Variants in PDZK1IP1 observed in about 807,000 individuals in gnomAD.
PDZK1IP1 encodes the protein PDZK1 interacting protein 1.
A neutral mutation model predicts 14.7 loss-of-function variants in PDZK1IP1; 9 were observed. The observed-to-expected ratio is 0.61, with a 90% CI of 0.37 to 1.07. The LOEUF (loss-of-function observed/expected upper bound fraction) is 1.07. PDZK1IP1 is among the 50% of genes least tolerant of loss of function. The pLI is 0.01. For synonymous variants in PDZK1IP1, 70 were observed against 61.2 expected, an observed-to-expected ratio of 1.14 and a Z score of -0.67; for missense variants, 152 against 148.7, an observed-to-expected ratio of 1.02 and a Z score of -0.11.
rs1249921141 is a variant in PDZK1IP1, at chr1:47,185,112, C to T, written c.177-15G>A. 2 of 1,608,174 alleles carry T rather than the reference C, an allele frequency of 1.2e-6. No individual in the cohort carries two copies. Among genetic ancestry groups the T allele is most frequent in the African/African-American group, 2.7e-5 (2 of 74,824 alleles). On this transcript the variant is annotated splice_polypyrimidine_tract_variant and intron_variant, in intron 2 of 3. Coordinates refer to ENST00000294338, the MANE Select transcript of PDZK1IP1 (RefSeq NM_005764.4). ...GTGCAGGCTCCCTGGGGATGGGATT[C>T]ATCAGTGGGGCTCCTCAGTGGGGCC... is the stretch of plus-strand genomic sequence containing the variant.
Position 47,183,866 on chromosome 1 carries a change from GC to G in PDZK1IP1, c.*104del. 1 of 967,456 alleles carries G rather than the reference GC, an allele frequency of 1.0e-6. No individual in the cohort carries two copies. The highest frequency in any genetic ancestry group is 1.6e-6 in the Non-Finnish European group (1 of 623,462). 59.9% of individuals were successfully genotyped at this position (967,456 alleles called of 1,614,324 possible). A position where few individuals can be genotyped will look rare whatever the true frequency, so the allele number is the denominator to read the frequency against. On this transcript the variant is annotated 3_prime_UTR_variant, in exon 4 of 4. Coordinates refer to ENST00000294338, the MANE Select transcript of PDZK1IP1 (RefSeq NM_005764.4). ...GCCGGCATGGGGCTGGAGGGAGTCA[GC>G]CCACTATTGCAGATTCCACACAAAG...
At position 47,184,553 on chromosome 1, in the gene PDZK1IP1, CCCCCACTGAGTCCATA is replaced by C. The variant is rs766511535; in HGVS notation, c.272+433_272+448del. On this transcript the variant is annotated intron_variant, in intron 3 of 3. Coordinates refer to ENST00000294338, the MANE Select transcript of PDZK1IP1 (RefSeq NM_005764.4). ...AGCTCCATCCCCCACTGAGCTCCAT[CCCCCACTGAGTCCATA>C]CCCCACTGAGTCCATACCCCACTGA... 4.6e-3 allele frequency among the ~76,000 whole-genome samples: 396 copies of C among 85,396 alleles called. 8 individuals are homozygous for C. The highest frequency in any genetic ancestry group is 0.011 in the Middle Eastern group (2 of 180). 56.0% of individuals were successfully genotyped at this position (85,396 alleles called of 152,430 possible). A position where few individuals can be genotyped will look rare whatever the true frequency, so the allele number is the denominator to read the frequency against.
At chr1:47,188,145 G>A (rs1557661697) in intron 1 of PDZK1IP1, among the ~76,000 whole-genome samples, 1 of 152,214 alleles carries the variant, frequency 6.6e-6, no homozygotes, top group East Asian at 1.9e-4. Context: ...AGATTAGGTT[G>A]AGGCCCCAAC....
intron 2 of PDZK1IP1, among the ~76,000 whole-genome samples, chr1:47,186,390 G>T (rs1645320722): frequency 6.6e-6 from 1 of 151,860 alleles, no homozygotes; most frequent in Non-Finnish European, 1.5e-5. Context: ...TCATTGGTGT[G>T]CAAGAGCCTG....
Position 47,187,441 on chromosome 1 carries a change from A to G in PDZK1IP1, c.68-14T>C. 6.2e-7 allele frequency: 1 copy of G among 1,602,866 alleles called. No individual in the cohort carries two copies. The highest frequency in any genetic ancestry group is 1.1e-5 in the South Asian group (1 of 90,820). On this transcript the variant is annotated splice_polypyrimidine_tract_variant and intron_variant, in intron 1 of 3. Coordinates refer to ENST00000294338, the MANE Select transcript of PDZK1IP1 (RefSeq NM_005764.4). ...GGTTCCCCAGGCCTAACAAAGGGAG[A>G]GGGGCTGTAGCAGACGGGGCCACAG...
At chr1:47,186,896 G>A (rs1178517896) in intron 2 of PDZK1IP1, among the ~76,000 whole-genome samples, 1 of 152,212 alleles carries the variant, frequency 6.6e-6, no homozygotes, top group African/African-American at 2.4e-5. Flanking sequence ...GTCTGAGCCT[G>A]TGAGGGCAGG....
At position 47,187,399 on chromosome 1, in the gene PDZK1IP1, C is replaced by A; in HGVS notation, c.96G>T (p.Gln32His). 6.2e-7 allele frequency: 1 copy of A among 1,612,896 alleles called. No homozygotes were observed. Among genetic ancestry groups the A allele is most frequent in the Non-Finnish European group, 8.5e-7 (1 of 1,179,956 alleles). The change falls in exon 2 of 4, where the codon CAG becomes CAT. Residue 32 changes from glutamine (Q) to histidine (H), a missense_variant. Gln to His is a conservative substitution (Grantham distance 24, BLOSUM62 0). Transcript: ENST00000294338. ...GGAACACGGCCACCGCGATAAGGCC[C>A]TGCATCCAGGGCTGAAGGTTCCCCA... ...QGLGNLQPWM[Q>H]GLIAVAVFLV...
intron 1 of PDZK1IP1, among the ~76,000 whole-genome samples, chr1:47,189,070 T>G (rs1385070932): frequency 1.3e-5 from 2 of 150,692 alleles, no homozygotes; most frequent in African/African-American, 4.9e-5. Context: ...TGACTCAACC[T>G]CTCTGGTCTG....
At chr1:47,185,239 C>T (rs1393653795) in intron 2 of PDZK1IP1, 142 bp from the exon 3 acceptor site, 5 of 660,334 alleles carry the variant, frequency 7.6e-6, no homozygotes, top group Admixed American at 2.4e-5. Context: ...ATGTCAGCCG[C>T]GGCTACTGGC....
intron 1 of PDZK1IP1, 146 bp from the exon 2 acceptor site, chr1:47,187,573 AG>A (rs1645328346): frequency 1.5e-6 from 1 of 665,848 alleles, no homozygotes; most frequent in African/African-American, 1.8e-5. Context: ...GTGGGGAGGC[AG>A]GGGTGGGATA....
At chr1:47,184,707 G>T (rs934230725) in intron 3 of PDZK1IP1, among the ~76,000 whole-genome samples, 1 of 145,842 alleles carries the variant, frequency 6.9e-6, no homozygotes, top group East Asian at 2.1e-4. Flanking sequence ...TCACTCATTT[G>T]TTCCTTCCTC....
Position 47,187,360 on chromosome 1 carries a change from T to C in PDZK1IP1, c.135A>G (p.Ala45=). ...AGAAGTGGTTGACTGCAAAGGCGAT[T>C]GCAACGAGGACCAGGAACACGGCCA... is the stretch of plus-strand genomic sequence containing the variant. ...IAVAVFLVLV[A]IAFAVNHFWC... The change falls in exon 2 of 4, where the codon GCA becomes GCG. Residue 45 remains alanine, a synonymous_variant. Transcript: ENST00000294338. The C allele has an allele frequency of 1.2e-6, 2 of 1,612,784 alleles. No individual in the cohort carries two copies. The highest frequency in any genetic ancestry group is 1.7e-6 in the Non-Finnish European group (2 of 1,179,942).
At chr1:47,189,667 T>C (rs1410837257) in intron 1 of PDZK1IP1, among the ~76,000 whole-genome samples, 199 bp downstream of exon 1, 2 of 152,224 alleles carry the variant, frequency 1.3e-5, no homozygotes, top group Non-Finnish European at 2.9e-5. Context: ...TAGAACCAAC[T>C]GCTGCCAGTT....
intron 1 of PDZK1IP1, among the ~76,000 whole-genome samples, chr1:47,189,265 A>C (rs1206673594): frequency 2.6e-5 from 4 of 152,200 alleles, no homozygotes; most frequent in Non-Finnish European, 5.9e-5. Flanking sequence ...AATGAAAGCC[A>C]GACCTTGGGT....
chr1:47,189,765 C>T, intron 1 of PDZK1IP1, 101 bp downstream of exon 1: 1 of 815,378 alleles, frequency 1.2e-6, no homozygotes, highest in Non-Finnish European at 1.9e-6. Context: ...AGTCCCTGCT[C>T]CCCCTCCAAA....
intron 2 of PDZK1IP1, among the ~76,000 whole-genome samples, chr1:47,187,051 G>T: frequency 6.6e-6 from 1 of 152,188 alleles, no homozygotes; most frequent in African/African-American, 2.4e-5. Context: ...AAGAAGCGAA[G>T]CCGTTTCCCC....
At position 47,189,897 on chromosome 1, in the gene PDZK1IP1, G is replaced by T. The variant is rs765820861; in HGVS notation, c.36C>A (p.Leu12=). ...SALSLLILGL[L]TAVPPASCQQ... ...GACAGCTGGCAGGTGGCACTGCCGT[G>T]AGCAGGCCCAGAATGAGGAGGCTGA... is the stretch of plus-strand genomic sequence containing the variant. Residue 12 remains leucine, a synonymous_variant, in exon 1 of 4, where the codon CTC becomes CTA. Transcript: ENST00000294338. 1 of 1,597,266 alleles carries T rather than the reference G, an allele frequency of 6.3e-7. No homozygotes were observed. The highest frequency in any genetic ancestry group is 8.5e-7 in the Non-Finnish European group (1 of 1,178,822).
chr1:47,184,406 A>T (rs202210614), intron 3 of PDZK1IP1, among the ~76,000 whole-genome samples: 4 of 10,380 alleles, frequency 3.9e-4, no homozygotes, highest in African/African-American at 1.7e-3. Context: ...CCCATCCCCC[A>T]CTGAGTCCAT....
In PDZK1IP1 at chr1:47,185,088, T is replaced by A; in HGVS notation, c.186A>T (p.Ala62=). 6.2e-7 allele frequency: 1 copy of A among 1,612,998 alleles called. No individual in the cohort carries two copies. Among genetic ancestry groups the A allele is most frequent in the Non-Finnish European group, 8.5e-7 (1 of 1,179,730 alleles). The stretch of plus-strand genomic sequence containing the variant: ...TGTTTCCGACGGTCAGGATCATGTG[T>A]GCAGGCTCCCTGGGGATGGGATTCA... The part of the protein sequence containing the change: ...HFWCQEEPEP[A]HMILTVGNKA... The change falls in exon 3 of 4, where the codon GCA becomes GCT. Residue 62 remains alanine (A), a synonymous_variant. Coordinates refer to ENST00000294338, the MANE Select transcript of PDZK1IP1 (RefSeq NM_005764.4).
Sources: gnomAD v4.1 joint callset for allele counts (sites outside exome capture counted in the v4.1 genomes callset) on GRCh38, gnomAD v4.1.1 for gene constraint, MANE v1.5 for transcripts, NCBI Gene and HGNC (gene_info 2026-07-23, HGNC 2026-07-21) for gene names.